The following DPP6 variants were observed in gnomAD, a reference collection of about 807,000 sequenced individuals.
DPP6 encodes A-type potassium channel modulatory protein DPP6.
DPP6 carries 69 observed loss-of-function variants against 122.6 expected under a neutral mutation model. The observed-to-expected ratio is 0.56, with a 90% CI of 0.46 to 0.69. The LOEUF (loss-of-function observed/expected upper bound fraction) is 0.69. Among genes scored for constraint, DPP6 ranks in the 30% least tolerant of loss-of-function variants. The pLI is 0.00. For synonymous variants in DPP6, 418 were observed against 433.1 expected, an observed-to-expected ratio of 0.97 and a Z score of 0.43; for missense variants, 928 against 1,116.9, an observed-to-expected ratio of 0.83 and a Z score of 2.41.
chr7:154,460,170 C>T lies in DPP6; in HGVS notation c.358+13842C>T, dbSNP rs117166342. Among the ~76,000 whole-genome samples, 1,016 of 151,870 alleles carry T rather than the reference C, an allele frequency of 6.7e-3. 6 individuals are homozygous for T. Among genetic ancestry groups the T allele is most frequent in the Admixed American group, 0.012 (181 of 15,258 alleles). The stretch of plus-strand genomic sequence containing the variant: ...CTAACTTTTGTATTTTTAATAGAGA[C>T]GGGGTTTCGCGATGTTGGCCAGGCT... On this transcript the variant is annotated intron_variant, in intron 2 of 25. Coordinates refer to ENST00000377770, the MANE Select transcript of DPP6 (RefSeq NM_130797.4).
At chr7:154,101,388 C>T (rs1400402674) in intron 1 of DPP6, among the ~76,000 whole-genome samples, 2 of 149,306 alleles carry the variant, frequency 1.3e-5, no homozygotes, top group African/African-American at 2.4e-5. Flanking sequence ...CATCCCTTCC[C>T]CTGTCCTCCT....
At chr7:153,880,662 G>A in the DPP6 span, among the ~76,000 whole-genome samples, 1 of 152,192 alleles carries the variant, frequency 6.6e-6, no homozygotes, top group East Asian at 1.9e-4. Flanking sequence ...TCGGTCTGTA[G>A]CCTAACACAT....
chr7:154,889,580 T>C, intron 25 of DPP6, 50 bp downstream of exon 25: 1 of 1,569,662 alleles, frequency 6.4e-7, no homozygotes, highest in Non-Finnish European at 8.6e-7. Context: ...GACATTCCTT[T>C]CATGGAGAAA....
chr7:154,318,438 A>C (rs2151012843), intron 1 of DPP6, among the ~76,000 whole-genome samples: 1 of 152,278 alleles, frequency 6.6e-6, no homozygotes, highest in Non-Finnish European at 1.5e-5. Context: ...CACCCTATCA[A>C]CCACACCCTC....
chr7:154,060,299 C>G (rs1386838702), intron 1 of DPP6, among the ~76,000 whole-genome samples: 8 of 117,242 alleles, frequency 6.8e-5, no homozygotes, highest in South Asian at 5.6e-4. Context: ...TCCCTCTTCC[C>G]CCCCTGGCTC....
chr7:154,871,945 C>G (rs1458358634), intron 18 of DPP6, among the ~76,000 whole-genome samples: 1 of 152,124 alleles, frequency 6.6e-6, no homozygotes, highest in African/African-American at 2.4e-5. Context: ...TGGTTCCTAC[C>G]CACTCTCCCT....
chr7:154,677,902 T>C (rs1839016747), intron 7 of DPP6, among the ~76,000 whole-genome samples: 1 of 152,140 alleles, frequency 6.6e-6, no homozygotes, highest in African/African-American at 2.4e-5. Context: ...GCTGGGCTTC[T>C]GGGTGGGGTG....
chr7:153,893,401 A>G (rs1799286795), intron 1 of DPP6, among the ~76,000 whole-genome samples: 1 of 152,208 alleles, frequency 6.6e-6, no homozygotes, highest in Non-Finnish European at 1.5e-5. Flanking sequence ...ATTCGTCCCC[A>G]TGGACAAGGG....
chr7:154,217,297 C>T (rs1455823326), intron 1 of DPP6, among the ~76,000 whole-genome samples: 1 of 152,138 alleles, frequency 6.6e-6, no homozygotes, highest in African/African-American at 2.4e-5. Flanking sequence ...CTATGTCTAG[C>T]ACATGTTAAG....
chr7:153,859,230 G>A, the DPP6 span, among the ~76,000 whole-genome samples: 1 of 152,080 alleles, frequency 6.6e-6, no homozygotes, highest in East Asian at 1.9e-4. Context: ...GATGGAGAGG[G>A]CTGCATTGCA....
At chr7:153,918,566 GTCTCTCTCTCTCTCTCTCTC>G (rs59605527) in intron 1 of DPP6, among the ~76,000 whole-genome samples, 21,355 of 103,348 alleles carry the variant, frequency 0.21, 1,809 homozygotes, top group East Asian at 0.45. Context: ...CACACACACA[GTCTCTCTCTCTCTCTCTCTC>G]TCTCTCTCTC....
intron 3 of DPP6, among the ~76,000 whole-genome samples, chr7:154,509,362 A>C (rs533641092): frequency 6.6e-6 from 1 of 152,358 alleles, no homozygotes; most frequent in South Asian, 2.1e-4. Flanking sequence ...ACAAATAGCA[A>C]TATGTACATG....
the DPP6 span, among the ~76,000 whole-genome samples, chr7:153,877,137 C>A: frequency 2.6e-5 from 4 of 151,834 alleles, no homozygotes; most frequent in Non-Finnish European, 5.9e-5. Flanking sequence ...ACAAAAAAAA[C>A]CCTTTTCTTT....
intron 7 of DPP6, among the ~76,000 whole-genome samples, chr7:154,698,271 A>G (rs1387541797): frequency 6.6e-6 from 1 of 152,280 alleles, no homozygotes. Context: ...GCAATTAACC[A>G]TTTTCCAGCT....
chr7:154,079,412 G>A (rs2150525648), intron 1 of DPP6, among the ~76,000 whole-genome samples: 1 of 152,284 alleles, frequency 6.6e-6, no homozygotes, highest in East Asian at 1.9e-4. Flanking sequence ...GAAAAGTTAA[G>A]TACTGCGTAC....
the DPP6 span, among the ~76,000 whole-genome samples, chr7:153,822,151 T>C: frequency 1.4e-5 from 2 of 147,162 alleles, no homozygotes; most frequent in African/African-American, 5.0e-5. Context: ...GGTGAGCTGC[T>C]CGCAGTGAAA....
chr7:154,683,464 G>T (rs1370180556), intron 7 of DPP6, among the ~76,000 whole-genome samples: 1 of 152,026 alleles, frequency 6.6e-6, no homozygotes, highest in Non-Finnish European at 1.5e-5. Flanking sequence ...CTGCTTTCTT[G>T]GTATCATGAA....
At chr7:153,945,952 G>A (rs1241826996) in intron 1 of DPP6, among the ~76,000 whole-genome samples, 1 of 152,192 alleles carries the variant, frequency 6.6e-6, no homozygotes, top group Non-Finnish European at 1.5e-5. Context: ...ACTGGAATGT[G>A]TGTGGCCACC....
At chr7:154,499,798 A>G (rs1383418409) in intron 3 of DPP6, among the ~76,000 whole-genome samples, 2 of 152,104 alleles carry the variant, frequency 1.3e-5, no homozygotes, top group South Asian at 4.2e-4. Context: ...CAGATATTTC[A>G]GTATGTGTGT....
Sources: allele counts gnomAD v4.1 joint callset (sites outside exome capture counted in the v4.1 genomes callset), GRCh38; gene constraint gnomAD v4.1.1; transcripts MANE v1.5; gene names NCBI Gene and HGNC (gene_info 2026-07-23, HGNC 2026-07-21).